The following DOCK1 variants were observed in gnomAD, a reference collection of about 807,000 sequenced individuals.
DOCK1 encodes dedicator of cytokinesis 1.
DOCK1 carries 138 observed loss-of-function variants against 262.7 expected under a neutral mutation model. The observed-to-expected ratio is 0.53, with a 90% confidence interval of 0.46 to 0.61. The LOEUF (loss-of-function observed/expected upper bound fraction) is 0.61. DOCK1 is among the 20% of genes least tolerant of loss of function. The pLI is 0.00. For missense variants in DOCK1, 1,908 were observed against 2,370.7 expected, an observed-to-expected ratio of 0.80 and a Z score of 4.05; for synonymous variants, 866 against 867.4, an observed-to-expected ratio of 1.00 and a Z score of 0.03.
chr10:127,330,615 A>G (rs1456608330), intron 29 of DOCK1, among the ~76,000 whole-genome samples: 2 of 152,176 alleles, frequency 1.3e-5, no homozygotes, highest in African/African-American at 2.4e-5. Context: ...AGGTACATAA[A>G]TTTGGAAAGC....
intron 29 of DOCK1, among the ~76,000 whole-genome samples, chr10:127,283,894 C>G (rs561155332): frequency 3.0e-4 from 46 of 152,226 alleles, no homozygotes; most frequent in African/African-American, 1.1e-3. Flanking sequence ...GGACACATTC[C>G]CAGAAGTCGG....
chr10:127,234,210 A>C (rs1243751639), intron 27 of DOCK1, among the ~76,000 whole-genome samples: 1 of 152,198 alleles, frequency 6.6e-6, no homozygotes, highest in Non-Finnish European at 1.5e-5. Flanking sequence ...AAGCAGAATT[A>C]AGACCTACAG....
chr10:127,087,963 T>C (rs148819972), intron 23 of DOCK1, among the ~76,000 whole-genome samples: 8 of 152,348 alleles, frequency 5.3e-5, no homozygotes, highest in Non-Finnish European at 1.0e-4. Context: ...CAATTCATTT[T>C]CCAATAAATG....
Position 127,078,393 on chromosome 10 carries a change from C to T in DOCK1, c.2445+16617C>T, listed in dbSNP as rs2046694962. On this transcript the variant is annotated intron_variant, in intron 23 of 51. Transcript: ENST00000623213. ...TTGGGGGTGTGGGGCAACCTTGCAT[C>T]CCAGGAAGCCGCCTGGGAGATTCTA... 2.0e-5 allele frequency among the ~76,000 whole-genome samples: 3 copies of T among 151,934 alleles called. No homozygotes were observed. In the South Asian group the frequency reaches 6.2e-4, roughly 32 times the overall value.
chr10:126,926,695 G>T (rs908374045), intron 1 of DOCK1, among the ~76,000 whole-genome samples: 2 of 152,190 alleles, frequency 1.3e-5, no homozygotes, highest in Non-Finnish European at 2.9e-5. Context: ...GTTAAGAAGA[G>T]GAGGGACACG....
chr10:126,958,968 G>T (rs969538598), intron 1 of DOCK1, among the ~76,000 whole-genome samples: 36 of 152,270 alleles, frequency 2.4e-4, no homozygotes, highest in Non-Finnish European at 2.1e-4. Flanking sequence ...TTTTAGAGAC[G>T]CATGAGACAT....
chr10:126,988,696 C>G (rs2039581424), intron 5 of DOCK1, among the ~76,000 whole-genome samples: 1 of 152,268 alleles, frequency 6.6e-6, no homozygotes. Context: ...CCTTGGTTTC[C>G]TTTTACAAAA....
chr10:127,423,011 C>A lies in DOCK1; in HGVS notation c.4777-2863C>A, dbSNP rs184462156. On this transcript the variant is annotated intron_variant, in intron 46 of 51. Transcript: ENST00000623213. ...TTAAAGGATGAATTTTAAAGCAGGT[C>A]ACAGGAAAGGTAAAAGAATCAGTTT... is the stretch of plus-strand genomic sequence containing the variant. Among the ~76,000 whole-genome samples, 476 of 152,128 alleles carry A rather than the reference C, an allele frequency of 3.1e-3. 6 individuals carry two copies. The highest frequency in any genetic ancestry group is 0.011 in the African/African-American group (457 of 41,484).
chr10:127,162,000 G>A (rs2053630973), intron 27 of DOCK1, among the ~76,000 whole-genome samples: 2 of 152,202 alleles, frequency 1.3e-5, no homozygotes, highest in South Asian at 2.1e-4. Context: ...TGCTCAGGAC[G>A]TTGATGATGG....
At chr10:127,401,707 T>G (rs2067234679) in intron 38 of DOCK1, among the ~76,000 whole-genome samples, 2 of 148,272 alleles carry the variant, frequency 1.3e-5, no homozygotes, top group South Asian at 4.4e-4. Flanking sequence ...TGTGACCAAT[T>G]ATTATTTTAG....
At chr10:127,331,993 G>A (rs1490014337) in intron 29 of DOCK1, among the ~76,000 whole-genome samples, 2 of 152,250 alleles carry the variant, frequency 1.3e-5, no homozygotes, top group Admixed American at 6.5e-5. Context: ...AGAGGTGGTC[G>A]TGTGGGAGAG....
intron 1 of DOCK1, among the ~76,000 whole-genome samples, chr10:126,944,482 A>G (rs1156273547): frequency 6.6e-6 from 1 of 152,014 alleles, no homozygotes; most frequent in Non-Finnish European, 1.5e-5. Context: ...TGCGTATGGA[A>G]GCCTCCAGAG....
chr10:127,394,349 A>G (rs1391905919), intron 38 of DOCK1, among the ~76,000 whole-genome samples: 2 of 110,312 alleles, frequency 1.8e-5, no homozygotes, highest in African/African-American at 3.4e-5. Flanking sequence ...CCTTGCACCA[A>G]TGTAAAAAAA....
At chr10:127,300,471 C>G (rs1376767193) in intron 29 of DOCK1, among the ~76,000 whole-genome samples, 1 of 152,172 alleles carries the variant, frequency 6.6e-6, no homozygotes, top group African/African-American at 2.4e-5. Context: ...CTTTCCAGGA[C>G]CTGTCGAAGG....
At chr10:127,200,674 G>GA (rs1262034177) in intron 27 of DOCK1, among the ~76,000 whole-genome samples, 10 of 152,296 alleles carry the variant, frequency 6.6e-5, no homozygotes, top group African/African-American at 2.4e-4. Flanking sequence ...AAAGTGCTAA[G>GA]ATTACAGGCG....
chr10:127,068,515 G>A (rs898685148), intron 23 of DOCK1, among the ~76,000 whole-genome samples: 3 of 22,198 alleles, frequency 1.4e-4, no homozygotes, highest in Non-Finnish European at 2.8e-4. Flanking sequence ...TCAAGTCCTG[G>A]TTTGCATTAA....
chr10:126,950,380 G>C (rs1026492339), intron 1 of DOCK1, among the ~76,000 whole-genome samples: 5 of 152,008 alleles, frequency 3.3e-5, no homozygotes, highest in Non-Finnish European at 1.5e-5. Flanking sequence ...GTGCTTGCCT[G>C]CAGGGTCAGC....
intron 16 of DOCK1, among the ~76,000 whole-genome samples, chr10:127,028,297 T>C (rs972326502): frequency 6.6e-6 from 1 of 152,160 alleles, no homozygotes; most frequent in African/African-American, 2.4e-5. Flanking sequence ...GATCTGCTAA[T>C]GGTGCACAAC....
intron 29 of DOCK1, among the ~76,000 whole-genome samples, chr10:127,258,390 A>G (rs570640288): frequency 3.3e-5 from 5 of 152,264 alleles, no homozygotes; most frequent in Non-Finnish European, 5.9e-5. Context: ...AAGTGTAATC[A>G]TACAGTATAT....
Sources: gnomAD v4.1 joint callset for allele counts (sites outside exome capture counted in the v4.1 genomes callset) on GRCh38, gnomAD v4.1.1 for gene constraint, MANE v1.5 for transcripts, NCBI Gene and HGNC (gene_info 2026-07-23, HGNC 2026-07-21) for gene names.